GSS: variants seen among roughly 807,000 people sequenced by gnomAD.
GSS encodes GSH synthetase.
GSS carries 34 observed loss-of-function variants against 60.4 expected under a neutral mutation model. The observed-to-expected ratio is 0.56, with a 90% CI of 0.43 to 0.75. The LOEUF (loss-of-function observed/expected upper bound fraction) is 0.75, where lower values mean the gene tolerates loss of function less well. Ranked by LOEUF, GSS falls within the 30% of genes least tolerant of loss-of-function variation. The pLI, the probability that GSS is intolerant of heterozygous loss-of-function variation, is 0.00. For missense variants in GSS, 499 were observed against 595.1 expected (o/e 0.84, Z 1.68); for synonymous variants, 224 against 239.0 (o/e 0.94, Z 0.58).
At chr20:34,934,340 G>A (rs1331295948) in intron 9 of GSS, among the ~76,000 whole-genome samples, 1 of 149,076 alleles carries the variant, frequency 6.7e-6, no homozygotes, top group Non-Finnish European at 1.5e-5. Context: ...GCAGTGGCAT[G>A]ATCTCAACTT....
At chr20:34,942,296 G>C (rs2081489244) in intron 5 of GSS, among the ~76,000 whole-genome samples, 192 bp downstream of exon 5, 1 of 152,180 alleles carries the variant, frequency 6.6e-6, no homozygotes, top group South Asian at 2.1e-4. Context: ...TGAGCTATGA[G>C]GTCCTTTTTC....
At chr20:34,939,431 G>A (rs140553211) in intron 6 of GSS, among the ~76,000 whole-genome samples, 14 of 152,120 alleles carry the variant, frequency 9.2e-5, no homozygotes, top group African/African-American at 1.4e-4. Context: ...GATAATTGAC[G>A]AAAATTAATC....
Position 34,931,400 on chromosome 20 carries a change from C to T in GSS, c.1047G>A (p.Gln349=), listed in dbSNP as rs772123367. ...YSLDVGEEGD[Q]AIAEALAAPS... is the part of the protein sequence containing the mutation. ...GGGCAGCAAGGGCCTCGGCGATGGCCTGGTCCCCTTCTTCACCCTGGCAGG... is the reference window on the plus strand; with the variant it reads ...GGGCAGCAAGGGCCTCGGCGATGGCTTGGTCCCCTTCTTCACCCTGGCAGG... The change falls in exon 11 of 13, where the codon CAG becomes CAA. Residue 349 remains glutamine, a synonymous_variant. Coordinates refer to ENST00000651619, the MANE Select transcript of GSS (RefSeq NM_000178.4). The T allele has an allele frequency of 2.5e-6, 4 of 1,614,192 alleles. No individual in the cohort carries two copies. Among genetic ancestry groups the T allele is most frequent in the Admixed American group, 1.7e-5 (1 of 60,036 alleles).
Position 34,951,706 on chromosome 20 carries a change from G to T in GSS, c.129+18C>A, listed in dbSNP as rs1446561503. ...AGTGGGCCATGGTGAATGCTGTGGG[G>T]AGGAGCTAGGGGCTTACCTCCGAGG... On this transcript the variant is annotated intron_variant, in intron 2 of 12. Coordinates refer to ENST00000651619, the MANE Select transcript of GSS (RefSeq NM_000178.4). 2 of 1,594,316 alleles carry T rather than the reference G, an allele frequency of 1.3e-6. No individual in the cohort carries two copies. The highest frequency in any genetic ancestry group is 1.7e-6 in the Non-Finnish European group (2 of 1,169,162).
chr20:34,941,896 A>C lies in GSS; in HGVS notation c.492-67T>G, dbSNP rs35789023. ...GGAAGACCCCTCTGCCCATGACCTCATATATACAGCAACATGACTCTGAGA... is the reference window on the plus strand; with the variant it reads ...GGAAGACCCCTCTGCCCATGACCTCCTATATACAGCAACATGACTCTGAGA... On this transcript the variant is annotated intron_variant, in intron 5 of 12. Coordinates refer to ENST00000651619, the MANE Select transcript of GSS (RefSeq NM_000178.4). 2.4e-3 allele frequency: 2,035 copies of C among 831,590 alleles called. 47 individuals carry two copies. In the East Asian group the frequency reaches 0.042, roughly 17 times the overall value. 51.5% of individuals were successfully genotyped at this position (831,590 alleles called of 1,614,324 possible).
Position 34,936,825 on chromosome 20 carries a change from G to A in GSS, c.705C>T (p.Ile235=), listed in dbSNP as rs752485480. Residue 235 remains isoleucine (I), a synonymous_variant, in exon 8 of 13, where the codon ATC becomes ATT. Coordinates refer to ENST00000651619, the MANE Select transcript of GSS (RefSeq NM_000178.4). ...NELLARNIHV[I]RRTFEDISEK... ...CAGAGATATCTTCAAATGTTCGTCG[G>A]ATCACATGGATGTTCCTGGGAAAAA... The A allele has an allele frequency of 6.2e-7, 1 of 1,614,042 alleles. No homozygotes were observed. Among genetic ancestry groups the A allele is most frequent in the Non-Finnish European group, 8.5e-7 (1 of 1,179,918 alleles).
chr20:34,950,848 TTAGGG>T (rs1250744809), intron 2 of GSS, among the ~76,000 whole-genome samples: 3 of 152,230 alleles, frequency 2.0e-5, no homozygotes, highest in African/African-American at 7.2e-5. Context: ...ACAAGCTGCA[TTAGGG>T]TAAACTCTTG....
At chr20:34,933,540 C>T (rs1273589664) in intron 9 of GSS, 1 of 153,510 alleles carries the variant, frequency 6.5e-6, no homozygotes, top group Non-Finnish European at 1.5e-5. Flanking sequence ...GACAGTCTGT[C>T]CTTGGCTCCA....
intron 2 of GSS, among the ~76,000 whole-genome samples, chr20:34,947,358 G>A (rs2081530874): frequency 6.6e-6 from 1 of 152,146 alleles, no homozygotes; most frequent in East Asian, 1.9e-4. Context: ...AAAGTGTTGG[G>A]ATTACAGGCA....
intron 9 of GSS, among the ~76,000 whole-genome samples, 197 bp from the exon 10 acceptor site, chr20:34,932,330 G>A (rs971042563): frequency 3.3e-5 from 5 of 152,130 alleles, no homozygotes; most frequent in African/African-American, 9.7e-5. Context: ...GTGAGCCCCT[G>A]CAAAGGCAAG....
At chr20:34,929,856 CCTT>C (rs2081386870) in intron 11 of GSS, among the ~76,000 whole-genome samples, 1 of 152,304 alleles carries the variant, frequency 6.6e-6, no homozygotes, top group South Asian at 2.1e-4. Context: ...ATTGCTGGCT[CCTT>C]CTCTTAAATG....
intron 11 of GSS, among the ~76,000 whole-genome samples, chr20:34,930,006 G>A (rs1393850185): frequency 6.6e-6 from 1 of 152,030 alleles, no homozygotes; most frequent in African/African-American, 2.4e-5. Context: ...GGTGGCTCAC[G>A]CCTGTAATCC....
chr20:34,935,735 G>C (rs763921517), intron 8 of GSS, 93 bp from the exon 9 acceptor site: 1 of 1,063,570 alleles, frequency 9.4e-7, no homozygotes, highest in South Asian at 1.3e-5. Context: ...GATGAATTTG[G>C]CTTTTTCAAA....
At position 34,936,788 on chromosome 20, in the gene GSS, G is replaced by C. The variant is rs768185100; in HGVS notation, c.742C>G (p.Leu248Val). The C allele has an allele frequency of 4.3e-6, 7 of 1,613,838 alleles. No homozygotes were observed. Among genetic ancestry groups the C allele is most frequent in the African/African-American group, 2.7e-5 (2 of 74,918 alleles). The change falls in exon 8 of 13, where the codon CTG becomes GTG. Residue 248 changes from leucine to valine, a missense_variant. Leu to Val is a conservative substitution (Grantham distance 32). Transcript: ENST00000651619. ...ACAAACAGCCTTCGGTCTTGGTCCA[G>C]AGACCCCTTTTCAGAGATATCTTCA... ...TFEDISEKGS[L>V]DQDRRLFVDG...
intron 6 of GSS, among the ~76,000 whole-genome samples, chr20:34,937,513 G>A (rs1442210959): frequency 1.3e-5 from 2 of 152,144 alleles, no homozygotes; most frequent in South Asian, 2.1e-4. Flanking sequence ...AAGGAATGTG[G>A]TTCTTACACA....
Position 34,934,434 on chromosome 20 carries a change from G to A in GSS, c.834+1142C>T, listed in dbSNP as rs932999212. On this transcript the variant is annotated intron_variant, in intron 9 of 12. Coordinates refer to ENST00000651619, the MANE Select transcript of GSS (RefSeq NM_000178.4). ...TGGGATTACAGGGGTATGCCACCACGCCCGGCTAATTTTTGTATTTTTAGT... is the reference window on the plus strand; with the variant it reads ...TGGGATTACAGGGGTATGCCACCACACCCGGCTAATTTTTGTATTTTTAGT... Among the ~76,000 whole-genome samples, 24 of 151,792 alleles carry A rather than the reference G, an allele frequency of 1.6e-4. 1 individual carries two copies. Among genetic ancestry groups the A allele is most frequent in the Admixed American group, 3.3e-4 (5 of 15,262 alleles).
chr20:34,948,191 T>A (rs1381998986), intron 2 of GSS, among the ~76,000 whole-genome samples: 1 of 152,134 alleles, frequency 6.6e-6, no homozygotes, highest in East Asian at 1.9e-4. Flanking sequence ...GAAGCCTTTA[T>A]GAGTTAGAAT....
chr20:34,941,853 C>CA (rs2081485536), intron 5 of GSS, 24 bp from the exon 6 acceptor site: 2 of 1,330,740 alleles, frequency 1.5e-6, no homozygotes, highest in Non-Finnish European at 2.2e-6. Flanking sequence ...GATGGCTGTT[C>CA]AGTAATTGGA....
intron 2 of GSS, among the ~76,000 whole-genome samples, chr20:34,947,000 A>C (rs952506780): frequency 6.6e-6 from 1 of 152,198 alleles, no homozygotes; most frequent in Non-Finnish European, 1.5e-5. Context: ...AGCATTCCTG[A>C]GTTTAACCTT....
Sources: gnomAD v4.1 joint callset for allele counts (sites outside exome capture counted in the v4.1 genomes callset) on GRCh38, gnomAD v4.1.1 for gene constraint, MANE v1.5 for transcripts, NCBI Gene and HGNC (gene_info 2026-07-23, HGNC 2026-07-21) for gene names.